The following OSBPL1A variants were observed in gnomAD, a reference collection of about 807,000 sequenced individuals.
The protein encoded by OSBPL1A is oxysterol binding protein like 1A.
Under a neutral mutation model 137.1 loss-of-function variants are expected in OSBPL1A, and 80 were observed. The observed-to-expected ratio is 0.58, with a 90% CI of 0.49 to 0.70. The LOEUF is 0.70. OSBPL1A is among the 30% of genes least tolerant of loss of function. The pLI, the probability that OSBPL1A is intolerant of heterozygous loss-of-function variation, is 0.00. For missense variants in OSBPL1A, 970 were observed against 1,129.4 expected (o/e 0.86, Z 2.02); for synonymous variants, 365 against 389.7 (o/e 0.94, Z 0.75).
intron 7 of OSBPL1A, among the ~76,000 whole-genome samples, chr18:24,320,203 G>A (rs577447723): frequency 6.6e-6 from 1 of 152,162 alleles, no homozygotes; most frequent in South Asian, 2.1e-4. Flanking sequence ...GGTCTGTTAT[G>A]TACCGATTAC....
intron 18 of OSBPL1A, among the ~76,000 whole-genome samples, chr18:24,194,618 CAA>C (rs1250176715): frequency 5.3e-5 from 8 of 152,160 alleles, no homozygotes; most frequent in Non-Finnish European, 1.0e-4. Flanking sequence ...AATTAGAGCT[CAA>C]GTCTCATTCT....
At chr18:24,318,567 A>T in intron 9 of OSBPL1A, 34 bp downstream of exon 9, 1 of 1,541,330 alleles carries the variant, frequency 6.5e-7, no homozygotes, top group Non-Finnish European at 8.9e-7. Context: ...ATTATTCTTT[A>T]CAGTTATATA....
intron 15 of OSBPL1A, among the ~76,000 whole-genome samples, chr18:24,264,777 CTAA>C (rs1802963411): frequency 6.6e-6 from 1 of 152,116 alleles, no homozygotes; most frequent in Admixed American, 6.5e-5. Context: ...AAGACTTTTC[CTAA>C]GTCTAGGCGT....
At chr18:24,333,138 C>G in intron 6 of OSBPL1A, 52 bp from the exon 7 acceptor site, 1 of 1,577,528 alleles carries the variant, frequency 6.3e-7, no homozygotes, top group African/African-American at 1.3e-5. Flanking sequence ...ATAGACTTTC[C>G]TCTCATAATT....
At chr18:24,176,398 T>G (rs566233174) in intron 21 of OSBPL1A, among the ~76,000 whole-genome samples, 4 of 152,360 alleles carry the variant, frequency 2.6e-5, no homozygotes, top group African/African-American at 9.6e-5. Context: ...GACATTTGCA[T>G]TCTGCCATTG....
chr18:24,297,261 AT>A (rs1568008747), intron 14 of OSBPL1A, among the ~76,000 whole-genome samples: 1 of 151,958 alleles, frequency 6.6e-6, no homozygotes, highest in Non-Finnish European at 1.5e-5. Flanking sequence ...TTTCCTCTTA[AT>A]TTTTTAGTTT....
At chr18:24,251,261 A>C (rs979030727) in intron 15 of OSBPL1A, among the ~76,000 whole-genome samples, 1 of 152,120 alleles carries the variant, frequency 6.6e-6, no homozygotes, top group Admixed American at 6.5e-5. Flanking sequence ...GTCTTGAGTG[A>C]CCATAAGTGG....
intron 17 of OSBPL1A, among the ~76,000 whole-genome samples, chr18:24,211,277 A>AT (rs1488086627): frequency 6.6e-6 from 1 of 152,176 alleles, no homozygotes; most frequent in African/African-American, 2.4e-5. Context: ...CCTAAATAAC[A>AT]TTTTTATAGA....
chr18:24,232,219 A>G (rs1384260436), intron 16 of OSBPL1A, among the ~76,000 whole-genome samples: 1 of 152,236 alleles, frequency 6.6e-6, no homozygotes, highest in African/African-American at 2.4e-5. Context: ...AAGTAAACAC[A>G]ACCTAACATA....
chr18:24,377,558 T>G, intron 1 of OSBPL1A, 23 bp from the exon 2 acceptor site: 1 of 1,565,276 alleles, frequency 6.4e-7, no homozygotes, highest in Non-Finnish European at 8.6e-7. Context: ...AATAATAACA[T>G]TGCTATTATT....
chr18:24,271,938 G>A lies in OSBPL1A; in HGVS notation c.1281+8904C>T. The A allele has an allele frequency of 1.0e-6, 1 of 983,164 alleles. No homozygotes were observed. 60.9% of individuals were successfully genotyped at this position (983,164 alleles called of 1,614,324 possible). A position where few individuals can be genotyped will look rare whatever the true frequency, so the allele number is the denominator to read the frequency against. On this transcript the variant is annotated intron_variant, in intron 15 of 27. Coordinates refer to ENST00000319481, the MANE Select transcript of OSBPL1A (RefSeq NM_080597.4). This position sits in a 1 kb window ranked among gnomAD's most constrained non-coding sequence, Gnocchi z 4.0. ...TCTGCGCTGCCCCTCCGCCGCCGCT[G>A]GCTCGGCCGCAGACCCGCCCTCCGG...
At chr18:24,321,192 A>T (rs2146125591) in intron 7 of OSBPL1A, among the ~76,000 whole-genome samples, 1 of 152,210 alleles carries the variant, frequency 6.6e-6, no homozygotes, top group African/African-American at 2.4e-5. Flanking sequence ...ATTAACATAC[A>T]ATTTACTCAC....
At chr18:24,358,349 C>T (rs991605810) in intron 4 of OSBPL1A, 27 of 643,728 alleles carry the variant, frequency 4.2e-5, no homozygotes, top group Middle Eastern at 7.6e-4. Context: ...TGCAAAGCTT[C>T]GCACACAGCA....
chr18:24,174,762 T>A (rs1282361035), intron 21 of OSBPL1A, among the ~76,000 whole-genome samples: 1 of 152,096 alleles, frequency 6.6e-6, no homozygotes, highest in Non-Finnish European at 1.5e-5. Flanking sequence ...CTGTTGAACA[T>A]CTTTTTAAAT....
intron 5 of OSBPL1A, among the ~76,000 whole-genome samples, chr18:24,335,269 A>G (rs2091156043): frequency 6.6e-6 from 1 of 152,188 alleles, no homozygotes; most frequent in South Asian, 2.1e-4. Context: ...AACTCATTAA[A>G]TCCTCATTAA....
At chr18:24,194,452 TTAAC>T (rs1287272526) in intron 18 of OSBPL1A, among the ~76,000 whole-genome samples, 1 of 152,202 alleles carries the variant, frequency 6.6e-6, no homozygotes, top group Non-Finnish European at 1.5e-5. Context: ...GTAAACATAT[TTAAC>T]TAAGGGTTTG....
At chr18:24,230,710 G>A (rs1020006716) in intron 16 of OSBPL1A, among the ~76,000 whole-genome samples, 3 of 152,046 alleles carry the variant, frequency 2.0e-5, no homozygotes, top group African/African-American at 4.8e-5. Context: ...AAACATATAC[G>A]TTTCTATAAC....
At chr18:24,198,221 A>G (rs769472577) in intron 17 of OSBPL1A, among the ~76,000 whole-genome samples, 17 of 152,244 alleles carry the variant, frequency 1.1e-4, no homozygotes, top group Non-Finnish European at 2.2e-4. Flanking sequence ...CATTAAATGT[A>G]TAGACCGTGT....
At position 24,225,163 on chromosome 18, in the gene OSBPL1A, C is replaced by A. The variant is rs780108341; in HGVS notation, c.1480G>T (p.Ala494Ser). 21 of 1,614,020 alleles carry A rather than the reference C, an allele frequency of 1.3e-5. No homozygotes were observed. Among genetic ancestry groups the A allele is most frequent in the Non-Finnish European group, 1.5e-5 (18 of 1,180,006 alleles). Reference sequence around the variant, plus strand: ...TCTTCAAAGGAGCGTGCTGTCACTGCTTCCAATCTACTCAGGGACCTTTCG... The same window carrying A: ...TCTTCAAAGGAGCGTGCTGTCACTGATTCCAATCTACTCAGGGACCTTTCG... ...ESERSLSRLEAVTARSFEEEG... is the reference protein window; with the variant it reads ...ESERSLSRLESVTARSFEEEG... The change falls in exon 17 of 28, where the codon GCA becomes TCA. Residue 494 changes from alanine to serine, a missense_variant. By Grantham distance (99) the Ala-to-Ser change is moderately conservative. Transcript: ENST00000319481.
Sources: allele counts gnomAD v4.1 joint callset (sites outside exome capture counted in the v4.1 genomes callset), GRCh38; gene constraint gnomAD v4.1.1; non-coding constraint Gnocchi (gnomAD v3.1); transcripts MANE v1.5; gene names NCBI Gene and HGNC (gene_info 2026-07-23, HGNC 2026-07-21).